SOBP: variants seen among roughly 807,000 people sequenced by gnomAD.
SOBP encodes the protein sine oculis-binding protein homolog.
Under a neutral mutation model 53.6 loss-of-function variants are expected in SOBP, and 4 were observed. That is an observed-to-expected ratio of 0.07 (90% CI 0.04 to 0.17). The LOEUF (loss-of-function observed/expected upper bound fraction) is 0.17. Among genes scored for constraint, SOBP ranks in the 10% least tolerant of loss-of-function variants. The pLI is 1.00. For missense variants in SOBP, 1,088 were observed against 1,204.7 expected (o/e 0.90, Z 1.43); for synonymous variants, 584 against 522.6 (o/e 1.12, Z -1.60).
At chr6:107,628,472 C>T (rs1770560945) in intron 5 of SOBP, among the ~76,000 whole-genome samples, 1 of 152,128 alleles carries the variant, frequency 6.6e-6, no homozygotes, top group Admixed American at 6.6e-5. Flanking sequence ...CATAGGAAAG[C>T]AGTGGATGAA....
chr6:107,576,442 A>G lies in SOBP; in HGVS notation c.574-10638A>G, dbSNP rs542640286. Among the ~76,000 whole-genome samples the G allele has an allele frequency of 2.0e-5, 3 of 152,336 alleles. No individual in the cohort carries two copies. The East Asian group carries it at 5.8e-4, about 29-fold the overall frequency. On this transcript the variant is annotated intron_variant, in intron 4 of 6. Coordinates refer to ENST00000317357, the MANE Select transcript of SOBP (RefSeq NM_018013.4). ...TTTTGGACAACATTATGCAATGCTG[A>G]CTGTAACACTGTCCCAGGCCAGAGC...
Position 107,634,469 on chromosome 6 carries a change from C to T in SOBP, c.1625C>T (p.Pro542Leu). ...CCGGTGCCCATCCCCATCCCCATCC[C>T]TATCCCTCACGTCAGCGACTCCAAG... is the stretch of plus-strand genomic sequence containing the variant. ...PLPVPIPIPI[P>L]IPHVSDSKPP... Residue 542 changes from proline to leucine, a missense_variant, in exon 6 of 7, where the codon CCT (proline) becomes CTT (leucine). Pro to Leu is a moderately conservative substitution (Grantham distance 98). This residue lies in a region of SOBP where 665 missense variants were observed against 629.7 expected (regional missense o/e 1.06). Transcript: ENST00000317357. This position sits in a 1 kb window ranked among gnomAD's most constrained non-coding sequence, Gnocchi z 4.5. 1.2e-6 allele frequency: 2 copies of T among 1,611,344 alleles called. No homozygotes were observed. The highest frequency in any genetic ancestry group is 1.7e-6 in the Non-Finnish European group (2 of 1,179,916).
At chr6:107,588,215 T>G (rs62428412) in intron 5 of SOBP, among the ~76,000 whole-genome samples, 29,736 of 152,126 alleles carry the variant, frequency 0.2, 3,866 homozygotes, top group African/African-American at 0.35. Context: ...TGATACCAAC[T>G]GTTCATTAAA....
In SOBP at chr6:107,634,906, A is replaced by C. The variant is rs1770944201; in HGVS notation, c.2062A>C (p.Arg688=). 2 of 1,264,400 alleles carry C rather than the reference A, an allele frequency of 1.6e-6. No individual in the cohort carries two copies. The highest frequency in any genetic ancestry group is 7.9e-5 in the East Asian group (2 of 25,296). The allele number at this position is 1,264,400 out of a possible 1,614,324, so 78.3% of individuals were successfully genotyped here. A position where few individuals can be genotyped will look rare whatever the true frequency, so the allele number is the denominator to read the frequency against. ...AEREPSAAER[R]TCGGCRDGHC... The stretch of plus-strand genomic sequence containing the variant: ...GCGCGAGCCGAGCGCCGCGGAGCGC[A>C]GGACCTGCGGCGGCTGCAGGGACGG... The change falls in exon 6 of 7, where the codon AGG becomes CGG. Residue 688 remains arginine, a synonymous_variant. Coordinates refer to ENST00000317357, the MANE Select transcript of SOBP (RefSeq NM_018013.4). This position sits in a 1 kb window ranked among gnomAD's most constrained non-coding sequence, Gnocchi z 4.5.
At chr6:107,559,353 A>G (rs1784710229) in intron 4 of SOBP, among the ~76,000 whole-genome samples, 1 of 152,234 alleles carries the variant, frequency 6.6e-6, no homozygotes, top group African/African-American at 2.4e-5. Context: ...TGGAGGCTGT[A>G]CAAGTAAAGG....
At chr6:107,498,583 G>C (rs1043235069) in intron 1 of SOBP, among the ~76,000 whole-genome samples, 1 of 150,944 alleles carries the variant, frequency 6.6e-6, no homozygotes, top group Non-Finnish European at 1.5e-5. Flanking sequence ...CAGCTCCTCA[G>C]AAAGAAAAAA....
chr6:107,531,811 C>T (rs1783831727), intron 3 of SOBP, among the ~76,000 whole-genome samples: 1 of 151,844 alleles, frequency 6.6e-6, no homozygotes, highest in Non-Finnish European at 1.5e-5. Flanking sequence ...CAATAGATCA[C>T]AATATGTAAT....
chr6:107,573,357 T>G (rs1785131295), intron 4 of SOBP, among the ~76,000 whole-genome samples: 1 of 144,748 alleles, frequency 6.9e-6, no homozygotes, highest in Admixed American at 6.7e-5. Flanking sequence ...CAGCTGAGGT[T>G]TTTTTTTTTC....
chr6:107,544,027 A>C (rs575459510), intron 4 of SOBP, among the ~76,000 whole-genome samples: 65 of 152,306 alleles, frequency 4.3e-4, no homozygotes, highest in African/African-American at 1.5e-3. Context: ...CTCAGAATAT[A>C]GTTTCCTCAG....
chr6:107,619,563 TAG>T (rs1786926095), intron 5 of SOBP, among the ~76,000 whole-genome samples: 1 of 151,796 alleles, frequency 6.6e-6, no homozygotes, highest in Non-Finnish European at 1.5e-5. Flanking sequence ...CTTTAGGAAA[TAG>T]AGAGTTGGGG....
chr6:107,635,359 G>T lies in SOBP; in HGVS notation c.2515G>T (p.Ala839Ser). Residue 839 changes from alanine to serine, a missense_variant, in exon 6 of 7, where the codon GCC becomes TCC. Physicochemically the swap from Ala to Ser is moderately conservative, Grantham distance 99 (BLOSUM62 1). This residue lies in a region of SOBP where 665 missense variants were observed against 629.7 expected (regional missense o/e 1.06). Coordinates refer to ENST00000317357, the MANE Select transcript of SOBP (RefSeq NM_018013.4). This position sits in a 1 kb window ranked among gnomAD's most constrained non-coding sequence, Gnocchi z 4.5. The stretch of plus-strand genomic sequence containing the variant: ...TGTGCCAAAACCCGCGGAGAAGGCT[G>T]CCATGGCACCGTGCATCATCTCCTC... ...QPVPKPAEKA[A>S]MAPCIISSPM... 6.2e-7 allele frequency: 1 copy of T among 1,613,590 alleles called. No individual in the cohort carries two copies. The highest frequency in any genetic ancestry group is 1.1e-5 in the South Asian group (1 of 91,078).
intron 6 of SOBP, among the ~76,000 whole-genome samples, chr6:107,637,549 T>G (rs910054190): frequency 3.3e-5 from 5 of 152,220 alleles, no homozygotes; most frequent in Non-Finnish European, 7.3e-5. Context: ...GAGAGTAATT[T>G]AATCTGGTTG....
chr6:107,548,336 T>C (rs1443874819), intron 4 of SOBP, among the ~76,000 whole-genome samples: 6 of 151,570 alleles, frequency 4.0e-5, no homozygotes, highest in Middle Eastern at 3.4e-3. Flanking sequence ...TCACTGCAAG[T>C]TCCACCTCCT....
chr6:107,592,999 T>C (rs1785811746), intron 5 of SOBP, among the ~76,000 whole-genome samples: 1 of 152,228 alleles, frequency 6.6e-6, no homozygotes, highest in East Asian at 1.9e-4. Flanking sequence ...GGATTCCACT[T>C]GAGTCATATT....
intron 5 of SOBP, among the ~76,000 whole-genome samples, chr6:107,610,794 ACG>A (rs1256969766): frequency 2.5e-5 from 3 of 119,658 alleles, no homozygotes; most frequent in African/African-American, 7.8e-5. Flanking sequence ...GTGTGTGCAC[ACG>A]CACACACACA....
rs145341520 is a variant in SOBP at position 107,572,504 on chromosome 6, A to G, written c.574-14576A>G. The stretch of plus-strand genomic sequence containing the variant: ...TTTTTAGTAGAGACAGGATTTTGCC[A>G]TGTTGCCCAGGATGTTCTCAAACTC... On this transcript the variant is annotated intron_variant, in intron 4 of 6. Transcript: ENST00000317357. Among the ~76,000 whole-genome samples the G allele has an allele frequency of 5.3e-3, 801 of 152,226 alleles. 4 individuals carry two copies. The highest frequency in any genetic ancestry group is 0.018 in the African/African-American group (754 of 41,528).
intron 4 of SOBP, among the ~76,000 whole-genome samples, chr6:107,565,020 A>C (rs1322917707): frequency 1.3e-5 from 2 of 152,256 alleles, no homozygotes; most frequent in Non-Finnish European, 2.9e-5. Flanking sequence ...AGAGATGGCT[A>C]TTGAGAGCTG....
chr6:107,544,710 C>G (rs1188005830), intron 4 of SOBP, among the ~76,000 whole-genome samples: 1 of 152,190 alleles, frequency 6.6e-6, no homozygotes, highest in Non-Finnish European at 1.5e-5. Flanking sequence ...ATTTCATGTT[C>G]TTTATGAAGG....
intron 5 of SOBP, among the ~76,000 whole-genome samples, chr6:107,616,084 T>G (rs966861182): frequency 0.01 from 631 of 62,352 alleles, 2 homozygotes; most frequent in African/African-American, 0.025. Flanking sequence ...GGAAGGGGGG[T>G]GGGGGGGGGG....
Sources: allele counts gnomAD v4.1 joint callset (sites outside exome capture counted in the v4.1 genomes callset), GRCh38; gene constraint gnomAD v4.1.1; regional missense constraint gnomAD v4.1.1; non-coding constraint Gnocchi (gnomAD v3.1); transcripts MANE v1.5; gene names NCBI Gene and HGNC (gene_info 2026-07-23, HGNC 2026-07-21).